Variants in RREB1 observed in about 807,000 individuals in gnomAD.
RREB1 encodes ras-responsive element-binding protein 1.
In RREB1, 27 loss-of-function variants were observed where a neutral mutation model predicts 117.8. The observed-to-expected ratio is 0.23, with a 90% CI of 0.17 to 0.32. The LOEUF (loss-of-function observed/expected upper bound fraction) is 0.32. Among genes scored for constraint, RREB1 ranks in the 10% least tolerant of loss-of-function variants. The probability of loss-of-function intolerance (pLI) is 1.00; values close to 1 mark genes in which losing one functional copy is unlikely to be tolerated. For synonymous variants in RREB1, 1,298 were observed against 1,026.7 expected (o/e 1.26, Z -5.05); for missense variants, 2,577 against 2,378.2 (o/e 1.08, Z -1.74).
In RREB1 at chr6:7,231,738, C is replaced by G; in HGVS notation, c.3639C>G (p.Ala1213=). 6.2e-7 allele frequency: 1 copy of G among 1,613,790 alleles called. No individual in the cohort carries two copies. The highest frequency in any genetic ancestry group is 8.5e-7 in the Non-Finnish European group (1 of 1,179,994). ...AGGATGAGGTGGCCGGAGCCCCTGC[C>G]GACCACCATGGGCCCAGTGATGAAG... ...NTQDEVAGAP[A]DHHGPSDEEQ... Residue 1213 remains alanine (A), a synonymous_variant, in exon 10 of 13, where the codon GCC becomes GCG. Coordinates refer to ENST00000379938, the MANE Select transcript of RREB1 (RefSeq NM_001003699.4).
At chr6:7,210,098 C>T (rs1766500504) in intron 6 of RREB1, among the ~76,000 whole-genome samples, 1 of 152,234 alleles carries the variant, frequency 6.6e-6, no homozygotes, top group Non-Finnish European at 1.5e-5. Flanking sequence ...TTGAATAACC[C>T]ATAAGACTCT....
chr6:7,167,620 C>T (rs941743443), intron 1 of RREB1, among the ~76,000 whole-genome samples: 4 of 152,102 alleles, frequency 2.6e-5, no homozygotes, highest in South Asian at 2.1e-4. Context: ...CGTGAGCCAC[C>T]GCTCCCGGCC....
chr6:7,165,250 C>T (rs1763872281), intron 1 of RREB1, among the ~76,000 whole-genome samples: 3 of 152,204 alleles, frequency 2.0e-5, no homozygotes, highest in Admixed American at 2.0e-4. Context: ...AAGTCCAGCC[C>T]TTGCCTTCGT....
intron 1 of RREB1, among the ~76,000 whole-genome samples, chr6:7,163,938 C>T (rs1378027559): frequency 6.6e-6 from 1 of 152,176 alleles, no homozygotes; most frequent in Non-Finnish European, 1.5e-5. Context: ...ATTGAGGATG[C>T]TGAAGAGTAC....
At chr6:7,237,433 G>C (rs1768408522) in intron 10 of RREB1, among the ~76,000 whole-genome samples, 1 of 151,194 alleles carries the variant, frequency 6.6e-6, no homozygotes, top group African/African-American at 2.4e-5. Flanking sequence ...TCACTGTGTT[G>C]CCCAAGTTGG....
chr6:7,113,525 CTG>C (rs1474647021), intron 1 of RREB1, among the ~76,000 whole-genome samples: 1 of 152,152 alleles, frequency 6.6e-6, no homozygotes, highest in Non-Finnish European at 1.5e-5. Context: ...GAGAGGAACA[CTG>C]TGGGAGTTGG....
At position 7,144,735 on chromosome 6, in the gene RREB1, C is replaced by T. The variant is rs74295352; in HGVS notation, c.-284-31920C>T. Among the ~76,000 whole-genome samples the T allele has an allele frequency of 4.9e-4, 75 of 151,968 alleles. 2 individuals are homozygous for T. The East Asian group carries it at 0.014, about 27-fold the overall frequency. ...TGGTTCAAATTGTCAGTTCTAACTG[C>T]TTTTAGGCCTTGCTTCTCCCAAGGA... On this transcript the variant is annotated intron_variant, in intron 1 of 12. Transcript: ENST00000379938.
chr6:7,196,896 A>G (rs1765702816), intron 6 of RREB1, among the ~76,000 whole-genome samples: 2 of 152,210 alleles, frequency 1.3e-5, no homozygotes, highest in Admixed American at 6.5e-5. Flanking sequence ...AGAGTAGGTT[A>G]CCATCAAGTA....
At chr6:7,239,364 A>G (rs1768543717) in intron 10 of RREB1, among the ~76,000 whole-genome samples, 1 of 152,160 alleles carries the variant, frequency 6.6e-6, no homozygotes, top group South Asian at 2.1e-4. Flanking sequence ...GTGATGCACC[A>G]CCAACTTCCG....
At chr6:7,166,897 A>G (rs934435809) in intron 1 of RREB1, among the ~76,000 whole-genome samples, 1 of 152,194 alleles carries the variant, frequency 6.6e-6, no homozygotes, top group African/African-American at 2.4e-5. Flanking sequence ...GGCCTGTGAA[A>G]GAGTTGCAGG....
In RREB1 at chr6:7,231,341, T is replaced by C. The variant is rs768101482; in HGVS notation, c.3242T>C (p.Leu1081Pro). Reference protein sequence around the residue: ...IISSVSSAPTLLKTKVADPGP... With the variant: ...IISSVSSAPTPLKTKVADPGP... ...TCATCTGTATCCTCGGCCCCCACCC[T>C]GCTGAAAACCAAGGTGGCGGACCCA... Residue 1081 changes from leucine (L) to proline (P), a missense_variant, in exon 10 of 13, where the codon CTG (leucine) becomes CCG (proline). Transcript: ENST00000379938. 3 of 1,611,036 alleles carry C rather than the reference T, an allele frequency of 1.9e-6. No homozygotes were observed. In the African/African-American group the frequency reaches 4.0e-5, roughly 22 times the overall value.
rs369606887 is a variant in RREB1, at chr6:7,153,105, GTTTTT to G, written c.-284-23533_-284-23529del. On this transcript the variant is annotated intron_variant, in intron 1 of 12. Coordinates refer to ENST00000379938, the MANE Select transcript of RREB1 (RefSeq NM_001003699.4). The stretch of plus-strand genomic sequence containing the variant: ...AGGAGGTATTAATCTTTGTGAGAGG[GTTTTT>G]TTTTTTTTTTTTTTTTGAGGAAAAT... Among the ~76,000 whole-genome samples the G allele has an allele frequency of 5.7e-5, 6 of 105,036 alleles. 1 individual carries two copies. Among genetic ancestry groups the G allele is most frequent in the Middle Eastern group, 5.1e-3 (1 of 196 alleles). 68.9% of individuals were successfully genotyped at this position (105,036 alleles called of 152,430 possible).
chr6:7,134,319 C>T lies in RREB1; in HGVS notation c.-285+26259C>T, dbSNP rs564524013. On this transcript the variant is annotated intron_variant, in intron 1 of 12. Coordinates refer to ENST00000379938, the MANE Select transcript of RREB1 (RefSeq NM_001003699.4). The stretch of plus-strand genomic sequence containing the variant: ...AATTGAGCAGTTCAAAAAGTCCTTT[C>T]GCTAGAGGGTTGGCCTCTCTTGAGA... Among the ~76,000 whole-genome samples, 9 of 152,308 alleles carry T rather than the reference C, an allele frequency of 5.9e-5. No individual in the cohort carries two copies. The South Asian group carries it at 6.2e-4, about 11-fold the overall frequency.
chr6:7,115,986 T>C (rs1434092306), intron 1 of RREB1, among the ~76,000 whole-genome samples: 1 of 152,146 alleles, frequency 6.6e-6, no homozygotes, highest in Non-Finnish European at 1.5e-5. Flanking sequence ...TGTTCTATCG[T>C]TTCTGACCTA....
chr6:7,222,266 T>C (rs1295891326), intron 8 of RREB1, among the ~76,000 whole-genome samples: 1 of 152,242 alleles, frequency 6.6e-6, no homozygotes, highest in Non-Finnish European at 1.5e-5. Flanking sequence ...CTTCTAGTTA[T>C]TCTGATTTCA....
intron 1 of RREB1, among the ~76,000 whole-genome samples, chr6:7,126,282 G>C (rs1029105060): frequency 6.6e-6 from 1 of 151,996 alleles, no homozygotes; most frequent in South Asian, 2.1e-4. Flanking sequence ...TTACAGGCGT[G>C]AGCCACTGCG....
intron 4 of RREB1, chr6:7,183,546 T>G (rs1172429059): frequency 6.6e-6 from 1 of 152,188 alleles, no homozygotes; most frequent in Non-Finnish European, 1.5e-5. Context: ...TTGTCCCAAG[T>G]CCAGCCTCCA....
chr6:7,108,463 G>A (rs1465823588), intron 1 of RREB1, among the ~76,000 whole-genome samples: 3 of 151,974 alleles, frequency 2.0e-5, no homozygotes, highest in Non-Finnish European at 4.4e-5. Context: ...CCGAGCGCAG[G>A]AATCCGGCCC....
intron 1 of RREB1, among the ~76,000 whole-genome samples, chr6:7,112,475 C>A (rs1387316866): frequency 6.6e-6 from 1 of 152,104 alleles, no homozygotes. Flanking sequence ...TTCTCTCTTT[C>A]TTTCCTGATT....
Sources: gnomAD v4.1 joint callset for allele counts (sites outside exome capture counted in the v4.1 genomes callset) on GRCh38, gnomAD v4.1.1 for gene constraint, MANE v1.5 for transcripts, NCBI Gene and HGNC (gene_info 2026-07-23, HGNC 2026-07-21) for gene names.